Variants in KDM5B observed in about 807,000 individuals in gnomAD.
KDM5B encodes lysine demethylase 5B.
Under a neutral mutation model 193.4 loss-of-function variants are expected in KDM5B, and 144 were observed. The ratio of observed to expected loss-of-function variants is 0.74; its 90% CI spans 0.65 to 0.86. The LOEUF (loss-of-function observed/expected upper bound fraction) is 0.86, where lower values mean the gene tolerates loss of function less well. Among genes scored for constraint, KDM5B ranks in the 40% least tolerant of loss-of-function variants. The pLI, the probability that KDM5B is intolerant of heterozygous loss-of-function variation, is 0.00. For synonymous variants in KDM5B, 668 were observed against 682.6 expected, an observed-to-expected ratio of 0.98 and a Z score of 0.33; for missense variants, 1,833 against 1,886.9, an observed-to-expected ratio of 0.97 and a Z score of 0.53.
chr1:202,769,793 T>C (rs1382605558), intron 4 of KDM5B, among the ~76,000 whole-genome samples: 1 of 152,074 alleles, frequency 6.6e-6, no homozygotes, highest in African/African-American at 2.4e-5. Flanking sequence ...CTATAACAAG[T>C]CCTCAGTTGA....
intron 1 of KDM5B, among the ~76,000 whole-genome samples, chr1:202,789,956 C>T (rs962958081): frequency 2.0e-5 from 3 of 152,206 alleles, no homozygotes; most frequent in African/African-American, 7.2e-5. Context: ...AGTGCAGTGG[C>T]TCACGCCTGT....
rs751079295 is a variant in KDM5B, at chr1:202,777,035, C to G, written c.264G>C (p.Gln88His). 1 of 1,612,574 alleles carries G rather than the reference C, an allele frequency of 6.2e-7. No homozygotes were observed. Among genetic ancestry groups the G allele is most frequent in the Admixed American group, 1.7e-5 (1 of 60,018 alleles). ...VDKLHFTPRI[Q>H]RLNELEAQTR... ...ACATTACCTCCAATTCATTCAGTCT[C>G]TGGATACGTGGCGTAAAATGAAGTT... Residue 88 changes from glutamine (Q) to histidine (H), a missense_variant, in exon 2 of 27, where the codon CAG becomes CAC. This residue lies in a region of KDM5B where 355 missense variants were observed against 374.9 expected (regional missense o/e 0.95). Transcript: ENST00000367265.
chr1:202,736,500 G>C (rs1483203397), intron 20 of KDM5B, 108 bp from the exon 21 acceptor site: 3 of 718,254 alleles, frequency 4.2e-6, no homozygotes, highest in Non-Finnish European at 6.2e-6. Context: ...ATTACTCCAT[G>C]ATCTCAACAT....
intron 6 of KDM5B, 53 bp from the exon 7 acceptor site, chr1:202,762,861 C>CAACTA (rs2102276452): frequency 1.1e-6 from 1 of 930,990 alleles, no homozygotes; most frequent in Admixed American, 1.7e-5. Context: ...TCCACTTCCT[C>CAACTA]ATCATCTCCC....
At chr1:202,753,155 G>C (rs1320666554) in intron 11 of KDM5B, 88 bp from the exon 12 acceptor site, 12 of 1,105,900 alleles carry the variant, frequency 1.1e-5, no homozygotes, top group South Asian at 1.5e-5. Context: ...ACTCGGCTTT[G>C]TAAGACTACG....
At chr1:202,803,966 G>A (rs916375865) in intron 1 of KDM5B, among the ~76,000 whole-genome samples, 2 of 150,820 alleles carry the variant, frequency 1.3e-5, no homozygotes, top group Non-Finnish European at 3.0e-5. Flanking sequence ...AAAGCATTAG[G>A]AGATATACCT....
rs1376086297 is a variant in KDM5B at position 202,726,067 on chromosome 1, G to A, written c.*2969C>T. 1 of 151,178 alleles carries A rather than the reference G, an allele frequency of 6.6e-6. No individual in the cohort carries two copies. The highest frequency in any genetic ancestry group is 1.5e-5 in the Non-Finnish European group (1 of 67,708). 9.4% of individuals were successfully genotyped at this position (151,178 alleles called of 1,614,324 possible). On this transcript the variant is annotated 3_prime_UTR_variant, in exon 27 of 27. Transcript: ENST00000367265. ...AGAGCCATGTTTCACCCTCTTCCAG[G>A]TAGAGATCTACTCTATTCTTAGGCT...
At chr1:202,762,351 G>A (rs994407495) in intron 7 of KDM5B, among the ~76,000 whole-genome samples, 1 of 152,038 alleles carries the variant, frequency 6.6e-6, no homozygotes, top group Non-Finnish European at 1.5e-5. Context: ...TTTTGAGCGA[G>A]CCTTCAGCTC....
intron 21 of KDM5B, 49 bp downstream of exon 21, chr1:202,736,164 C>T (rs764236825): frequency 1.5e-6 from 2 of 1,359,522 alleles, no homozygotes; most frequent in African/African-American, 3.0e-5. Flanking sequence ...GCATGTTTTA[C>T]CAAACTAGGA....
In KDM5B at chr1:202,729,014, G is replaced by T. The variant is rs759430490; in HGVS notation, c.*22C>A. 5 of 1,613,664 alleles carry T rather than the reference G, an allele frequency of 3.1e-6. No homozygotes were observed. The African/African-American group carries it at 5.3e-5, about 17-fold the overall frequency. ...TGGAGTCCTGAATTACATTAAGTAGGGGGGTATCTGTTTTTGTGTTTTTAC... is the reference window on the plus strand; with the variant it reads ...TGGAGTCCTGAATTACATTAAGTAGTGGGGTATCTGTTTTTGTGTTTTTAC... On this transcript the variant is annotated 3_prime_UTR_variant, in exon 27 of 27. Coordinates refer to ENST00000367265, the MANE Select transcript of KDM5B (RefSeq NM_006618.5).
At chr1:202,734,352 TAA>T (rs33951184) in intron 22 of KDM5B, among the ~76,000 whole-genome samples, 9,001 of 135,150 alleles carry the variant, frequency 0.067, 465 homozygotes, top group East Asian at 0.25. Context: ...TTGGGTATAT[TAA>T]AAAAAAAAAA....
chr1:202,738,005 GA>G (rs1315875454), intron 20 of KDM5B, among the ~76,000 whole-genome samples: 2 of 152,178 alleles, frequency 1.3e-5, no homozygotes, highest in Admixed American at 6.5e-5. Flanking sequence ...CTATTCCTAT[GA>G]TATTTAATTT....
intron 1 of KDM5B, among the ~76,000 whole-genome samples, chr1:202,800,191 C>T (rs1397697033): frequency 1.3e-5 from 2 of 151,856 alleles, no homozygotes; most frequent in African/African-American, 4.8e-5. Flanking sequence ...ACTACAGGTG[C>T]GTACCACCAC....
At chr1:202,789,683 A>AT (rs869259827) in intron 1 of KDM5B, among the ~76,000 whole-genome samples, 6 of 147,418 alleles carry the variant, frequency 4.1e-5, no homozygotes, top group Non-Finnish European at 3.0e-5. Context: ...TATAAAAAAA[A>AT]TTTTTTTTTT....
chr1:202,774,503 C>CA (rs1354423406), intron 3 of KDM5B, 110 bp downstream of exon 3: 1 of 950,558 alleles, frequency 1.1e-6, no homozygotes, highest in East Asian at 2.5e-5. Context: ...GCTGAGATTA[C>CA]AGGTGCGAGC....
At chr1:202,798,486 G>A (rs770854729) in intron 1 of KDM5B, among the ~76,000 whole-genome samples, 10 of 151,456 alleles carry the variant, frequency 6.6e-5, no homozygotes, top group African/African-American at 9.7e-5. Flanking sequence ...TGCGGGGTGC[G>A]GTTTGCCTTT....
rs1655006357 is a variant in KDM5B at position 202,734,157 on chromosome 1, C to T, written c.3424-271G>A. On this transcript the variant is annotated intron_variant, in intron 22 of 26. Coordinates refer to ENST00000367265, the MANE Select transcript of KDM5B (RefSeq NM_006618.5). ...GGGATAGGACACTCTTTGCCTGGCA[C>T]ATAGTAAACAAGTTCTCAAAAAATC... Among the ~76,000 whole-genome samples, 3 of 152,062 alleles carry T rather than the reference C, an allele frequency of 2.0e-5. No individual in the cohort carries two copies. The South Asian group carries it at 6.2e-4, about 32-fold the overall frequency.
At chr1:202,733,933 C>T in intron 22 of KDM5B, 47 bp from the exon 23 acceptor site, 5 of 1,557,214 alleles carry the variant, frequency 3.2e-6, no homozygotes, top group South Asian at 1.2e-5. Context: ...ATGGCTTGGC[C>T]TTCCCCTAAA....
intron 1 of KDM5B, among the ~76,000 whole-genome samples, chr1:202,785,417 C>T (rs1014937142): frequency 1.3e-5 from 2 of 152,114 alleles, no homozygotes; most frequent in African/African-American, 2.4e-5. Context: ...TTACCTTGTA[C>T]ATCAAAATAG....
Sources: gnomAD v4.1 joint callset for allele counts (sites outside exome capture counted in the v4.1 genomes callset) on GRCh38, gnomAD v4.1.1 for gene constraint, gnomAD v4.1.1 regional missense constraint, MANE v1.5 for transcripts, NCBI Gene and HGNC (gene_info 2026-07-23, HGNC 2026-07-21) for gene names.